The following CLSTN2 variants were observed in gnomAD, a reference collection of about 807,000 sequenced individuals.
CLSTN2 encodes calsyntenin 2.
CLSTN2 carries 48 observed loss-of-function variants against 101.2 expected under a neutral mutation model. The observed-to-expected ratio is 0.47, with a 90% CI of 0.38 to 0.60. The LOEUF (loss-of-function observed/expected upper bound fraction) is 0.60, where lower values mean the gene tolerates loss of function less well. Ranked by LOEUF, CLSTN2 falls within the 20% of genes least tolerant of loss-of-function variation. The probability of loss-of-function intolerance (pLI) is 0.00; values close to 1 mark genes in which losing one functional copy is unlikely to be tolerated. For missense variants in CLSTN2, 1,160 were observed against 1,238.2 expected, an observed-to-expected ratio of 0.94 and a Z score of 0.95; for synonymous variants, 481 against 463.6, an observed-to-expected ratio of 1.04 and a Z score of -0.48.
intron 2 of CLSTN2, among the ~76,000 whole-genome samples, chr3:140,231,184 C>A (rs142477720): frequency 1.5e-4 from 23 of 152,196 alleles, no homozygotes; most frequent in African/African-American, 5.5e-4. Context: ...GTCTCAGCTT[C>A]TTTTAGGGGG....
intron 2 of CLSTN2, among the ~76,000 whole-genome samples, chr3:140,184,688 A>T (rs1559801024): frequency 6.6e-6 from 1 of 152,130 alleles, no homozygotes; most frequent in Non-Finnish European, 1.5e-5. Context: ...AGGGTCATCA[A>T]TGCAATCATT....
chr3:140,283,005 C>T (rs1433808505), intron 2 of CLSTN2, among the ~76,000 whole-genome samples: 1 of 152,094 alleles, frequency 6.6e-6, no homozygotes, highest in Non-Finnish European at 1.5e-5. Context: ...TTGTATCTCA[C>T]CAGTGATATC....
intron 2 of CLSTN2, 148 bp downstream of exon 2, chr3:140,176,221 T>C (rs1026662577): frequency 3.5e-6 from 3 of 846,542 alleles, no homozygotes; most frequent in Middle Eastern, 2.9e-4. Flanking sequence ...TGTATGCCTC[T>C]TATTTCTGGG....
intron 1 of CLSTN2, among the ~76,000 whole-genome samples, chr3:140,011,552 A>C (rs2007073647): frequency 6.6e-6 from 1 of 152,194 alleles, no homozygotes; most frequent in Non-Finnish European, 1.5e-5. Context: ...GCATTTTAAA[A>C]TGAGAGAATA....
chr3:140,174,923 T>TTG (rs935229124), intron 1 of CLSTN2, among the ~76,000 whole-genome samples: 1 of 152,162 alleles, frequency 6.6e-6, no homozygotes, highest in Non-Finnish European at 1.5e-5. Context: ...AATCAAGGTG[T>TTG]TGGCAGGTCC....
At chr3:140,055,171 T>A (rs2008075774) in intron 1 of CLSTN2, among the ~76,000 whole-genome samples, 1 of 152,246 alleles carries the variant, frequency 6.6e-6, no homozygotes, top group African/African-American at 2.4e-5. Flanking sequence ...TTTCATCACC[T>A]GCTGCTTCCT....
chr3:140,334,148 G>T (rs1428979792), intron 2 of CLSTN2, among the ~76,000 whole-genome samples: 1 of 152,156 alleles, frequency 6.6e-6, no homozygotes, highest in Non-Finnish European at 1.5e-5. Flanking sequence ...CCTATTTCTG[G>T]AGGGGTGTCA....
chr3:140,491,992 C>T (rs929124761), intron 8 of CLSTN2, among the ~76,000 whole-genome samples: 2 of 152,026 alleles, frequency 1.3e-5, no homozygotes, highest in Non-Finnish European at 2.9e-5. Context: ...AGACAAAGAC[C>T]CTGGACCTTC....
At chr3:140,047,463 TA>T (rs1246045278) in intron 1 of CLSTN2, among the ~76,000 whole-genome samples, 4 of 152,218 alleles carry the variant, frequency 2.6e-5, no homozygotes, top group Non-Finnish European at 5.9e-5. Context: ...TTTTTATTTA[TA>T]TAATATTTTA....
chr3:140,030,472 A>C (rs1168728680), intron 1 of CLSTN2, among the ~76,000 whole-genome samples: 1 of 152,184 alleles, frequency 6.6e-6, no homozygotes, highest in Non-Finnish European at 1.5e-5. Context: ...TCATTCCTGC[A>C]GCCTCCATTT....
intron 1 of CLSTN2, among the ~76,000 whole-genome samples, chr3:140,043,768 T>G (rs1314402971): frequency 1.3e-5 from 2 of 152,218 alleles, no homozygotes; most frequent in Non-Finnish European, 2.9e-5. Flanking sequence ...CTAGCACCAT[T>G]TATTAAATAG....
chr3:140,421,265 G>C lies in CLSTN2; in HGVS notation c.778G>C (p.Gly260Arg), dbSNP rs766559446. The C allele has an allele frequency of 5.0e-6, 8 of 1,614,140 alleles. No homozygotes were observed. The highest frequency in any genetic ancestry group is 1.7e-4 in the Middle Eastern group (1 of 6,046). The change falls in exon 5 of 17, where the codon GGC becomes CGC. Residue 260 changes from glycine to arginine, a missense_variant. By Grantham distance (125) the Gly-to-Arg change is moderately radical. Coordinates refer to ENST00000458420, the MANE Select transcript of CLSTN2 (RefSeq NM_022131.3). Reference protein sequence around the residue: ...QVDVKPVCKPGWQDWTKRIEY... With the variant: ...QVDVKPVCKPRWQDWTKRIEY... ...GGATGTGAAGCCAGTTTGCAAGCCT[G>C]GCTGGCAAGGTGGGCCTGTTTTATC... is the stretch of plus-strand genomic sequence containing the variant.
intron 2 of CLSTN2, among the ~76,000 whole-genome samples, chr3:140,297,015 CT>C (rs1302934753): frequency 6.6e-6 from 1 of 152,218 alleles, no homozygotes; most frequent in African/African-American, 2.4e-5. Flanking sequence ...ACTTCAGGAG[CT>C]ATTCCACAGT....
At chr3:140,299,823 C>A (rs930786998) in intron 2 of CLSTN2, among the ~76,000 whole-genome samples, 1 of 152,194 alleles carries the variant, frequency 6.6e-6, no homozygotes. Flanking sequence ...ATTTAGTTTG[C>A]ATGGACATGT....
chr3:140,404,074 C>T (rs1261216997), intron 3 of CLSTN2, among the ~76,000 whole-genome samples: 1 of 152,242 alleles, frequency 6.6e-6, no homozygotes, highest in East Asian at 1.9e-4. Context: ...GTTTAGGTGT[C>T]ACTTCTTCCA....
chr3:140,237,491 C>T (rs767772649), intron 2 of CLSTN2, among the ~76,000 whole-genome samples: 7 of 152,202 alleles, frequency 4.6e-5, no homozygotes, highest in East Asian at 1.9e-4. Context: ...TCTCGCTATG[C>T]GTCTCCTTCC....
At chr3:140,026,194 T>A (rs1250036205) in intron 1 of CLSTN2, among the ~76,000 whole-genome samples, 2 of 152,070 alleles carry the variant, frequency 1.3e-5, no homozygotes, top group Non-Finnish European at 2.9e-5. Flanking sequence ...AACATTGGAG[T>A]TGGGGACTAT....
chr3:140,011,333 C>A (rs1218593034), intron 1 of CLSTN2, among the ~76,000 whole-genome samples: 1 of 152,152 alleles, frequency 6.6e-6, no homozygotes. Flanking sequence ...GTGGTCTCAG[C>A]AGAGCCGAGG....
chr3:139,962,927 G>A (rs1935536396), intron 1 of CLSTN2, among the ~76,000 whole-genome samples: 2 of 152,160 alleles, frequency 1.3e-5, no homozygotes, highest in African/African-American at 2.4e-5. Flanking sequence ...GAATGGATGA[G>A]TTGTATGGTA....
Sources: gnomAD v4.1 joint callset for allele counts (sites outside exome capture counted in the v4.1 genomes callset) on GRCh38, gnomAD v4.1.1 for gene constraint, MANE v1.5 for transcripts, NCBI Gene and HGNC (gene_info 2026-07-23, HGNC 2026-07-21) for gene names.